MAGI2: variants seen among roughly 807,000 people sequenced by gnomAD.
MAGI2 encodes the protein membrane associated guanylate kinase, WW and PDZ domain containing 2, also known as membrane-associated guanylate kinase, WW and PDZ domain-containing protein 2.
Under a neutral mutation model 133.3 loss-of-function variants are expected in MAGI2, and 35 were observed. That is an observed-to-expected ratio of 0.26 (90% confidence interval 0.20 to 0.35). The LOEUF (loss-of-function observed/expected upper bound fraction) is 0.35. Among genes scored for constraint, MAGI2 ranks in the 10% least tolerant of loss-of-function variants. The pLI, the probability that MAGI2 is intolerant of heterozygous loss-of-function variation, is 1.00. For missense variants in MAGI2, 1,636 were observed against 1,863.4 expected, an observed-to-expected ratio of 0.88 and a Z score of 2.25; for synonymous variants, 729 against 710.6, an observed-to-expected ratio of 1.03 and a Z score of -0.41.
chr7:78,280,625 A>G (rs1338540156), intron 9 of MAGI2, among the ~76,000 whole-genome samples: 1 of 152,070 alleles, frequency 6.6e-6, no homozygotes, highest in Non-Finnish European at 1.5e-5. Flanking sequence ...CCATTTTACC[A>G]GGTTAGAAAG....
intron 2 of MAGI2, among the ~76,000 whole-genome samples, chr7:78,981,508 C>A (rs562038866): frequency 6.6e-6 from 1 of 151,560 alleles, no homozygotes; most frequent in Admixed American, 6.6e-5. Flanking sequence ...TTATAATTTT[C>A]ATTTCACATT....
intron 2 of MAGI2, among the ~76,000 whole-genome samples, chr7:78,696,500 A>G (rs2151136238): frequency 6.6e-6 from 1 of 152,250 alleles, no homozygotes; most frequent in African/African-American, 2.4e-5. Flanking sequence ...ATCAGTTGGT[A>G]TGTGCCACAA....
At chr7:79,083,252 G>A (rs1395978954) in intron 1 of MAGI2, among the ~76,000 whole-genome samples, 4 of 148,876 alleles carry the variant, frequency 2.7e-5, no homozygotes, top group African/African-American at 9.8e-5. Context: ...TATTTGTCTT[G>A]TTACTGATTT....
chr7:78,521,786 T>C (rs1796528026), intron 3 of MAGI2, 141 bp from the exon 4 acceptor site: 4 of 635,040 alleles, frequency 6.3e-6, no homozygotes, highest in Middle Eastern at 4.1e-4. Context: ...ATATATATGG[T>C]TTTCTATCTA....
At chr7:79,336,587 G>A (rs1392351320) in intron 1 of MAGI2, among the ~76,000 whole-genome samples, 1 of 152,140 alleles carries the variant, frequency 6.6e-6, no homozygotes, top group Non-Finnish European at 1.5e-5. Flanking sequence ...AATAGTGTGT[G>A]TGAAGATGAC....
chr7:78,339,928 C>G (rs1790176454), intron 9 of MAGI2, among the ~76,000 whole-genome samples: 1 of 152,038 alleles, frequency 6.6e-6, no homozygotes, highest in South Asian at 2.1e-4. Flanking sequence ...ATAAGGGCAC[C>G]ATAAAAAGTT....
chr7:79,418,104 C>T (rs1011021013), intron 1 of MAGI2, among the ~76,000 whole-genome samples: 3 of 151,914 alleles, frequency 2.0e-5, no homozygotes, highest in South Asian at 2.1e-4. Context: ...AGAAATTAAT[C>T]GTGTCATATT....
At chr7:79,245,331 G>C (rs1832741834) in intron 1 of MAGI2, among the ~76,000 whole-genome samples, 1 of 152,180 alleles carries the variant, frequency 6.6e-6, no homozygotes, top group Non-Finnish European at 1.5e-5. Context: ...GACTCATAGG[G>C]TCTCCAATTC....
chr7:78,435,824 T>C (rs1800231506), intron 6 of MAGI2, among the ~76,000 whole-genome samples: 1 of 152,170 alleles, frequency 6.6e-6, no homozygotes, highest in Admixed American at 6.5e-5. Context: ...TAAACAGATT[T>C]CTATTGGAAA....
At chr7:78,537,670 C>G (rs995167259) in intron 3 of MAGI2, among the ~76,000 whole-genome samples, 122 of 152,066 alleles carry the variant, frequency 8.0e-4, no homozygotes, top group African/African-American at 2.8e-3. Flanking sequence ...TATTCTTAGC[C>G]CATTTTTTGA....
chr7:79,001,186 A>T (rs960039969), intron 2 of MAGI2, among the ~76,000 whole-genome samples: 2 of 152,226 alleles, frequency 1.3e-5, no homozygotes, highest in Admixed American at 1.3e-4. Context: ...AAGTGCTGGG[A>T]TTACAGGCGT....
chr7:78,263,196 C>T (rs1323875395), intron 9 of MAGI2, among the ~76,000 whole-genome samples: 2 of 152,206 alleles, frequency 1.3e-5, no homozygotes, highest in African/African-American at 4.8e-5. Context: ...ATATGTACCA[C>T]ATTTTCTTTA....
In MAGI2 at chr7:78,978,081, A is replaced by G. The variant is rs369517326; in HGVS notation, c.418+29009T>C. On this transcript the variant is annotated intron_variant, in intron 2 of 21. Transcript: ENST00000354212. ...ACTCATTCATTGCTGGAGTAATAAA[A>G]AATAATACGGCCACTTTGGAAGACA... is the stretch of plus-strand genomic sequence containing the variant. Among the ~76,000 whole-genome samples the G allele has an allele frequency of 1.3e-4, 19 of 151,964 alleles. No homozygotes were observed. The South Asian group carries it at 3.5e-3, about 28-fold the overall frequency.
intron 1 of MAGI2, among the ~76,000 whole-genome samples, chr7:79,146,671 C>T (rs1822658934): frequency 1.3e-5 from 2 of 152,214 alleles, no homozygotes; most frequent in African/African-American, 4.8e-5. Context: ...TGCTTGCCAT[C>T]ATGTAAGACG....
At chr7:78,867,687 T>C (rs1419750525) in intron 2 of MAGI2, among the ~76,000 whole-genome samples, 2 of 149,902 alleles carry the variant, frequency 1.3e-5, no homozygotes, top group African/African-American at 4.9e-5. Context: ...ACTTAAAGTA[T>C]AATAATAATA....
At chr7:79,312,143 T>A (rs10280554) in intron 1 of MAGI2, among the ~76,000 whole-genome samples, 128,111 of 152,142 alleles carry the variant, frequency 0.84, 54,027 homozygotes, top group Middle Eastern at 0.86. Flanking sequence ...ATGGAAATTT[T>A]TGTCAAGTAA....
chr7:78,081,646 A>G (rs1815985335), intron 20 of MAGI2, among the ~76,000 whole-genome samples: 1 of 152,206 alleles, frequency 6.6e-6, no homozygotes, highest in South Asian at 2.1e-4. Context: ...AGGGAATGGT[A>G]TATTTGGGAA....
rs115200864 is a variant in MAGI2, at chr7:78,718,831, C to A, written c.419-91592G>T. Among the ~76,000 whole-genome samples the A allele has an allele frequency of 9.4e-3, 1,438 of 152,188 alleles. 27 individuals are homozygous for A. Among genetic ancestry groups the A allele is most frequent in the African/African-American group, 0.033 (1,370 of 41,514 alleles). On this transcript the variant is annotated intron_variant, in intron 2 of 21. Coordinates refer to ENST00000354212, the MANE Select transcript of MAGI2 (RefSeq NM_012301.4). ...TTCCATGAAACCAGTCCCTGGTGCC[C>A]AAAAGGTTAGGGACCACTGCTCTAG... is the stretch of plus-strand genomic sequence containing the variant.
chr7:78,081,698 A>C (rs1784545217), intron 20 of MAGI2, among the ~76,000 whole-genome samples: 1 of 152,166 alleles, frequency 6.6e-6, no homozygotes, highest in Admixed American at 6.5e-5. Flanking sequence ...TTTAGGTTTT[A>C]TTTTAAAGGC....
Sources: allele counts gnomAD v4.1 joint callset (sites outside exome capture counted in the v4.1 genomes callset), GRCh38; gene constraint gnomAD v4.1.1; transcripts MANE v1.5; gene names NCBI Gene and HGNC (gene_info 2026-07-23, HGNC 2026-07-21).